The following KSR2 variants were observed in gnomAD, a reference collection of about 807,000 sequenced individuals.
KSR2 encodes kinase suppressor of ras 2.
A neutral mutation model predicts 107.8 loss-of-function variants in KSR2; 25 were observed. The observed-to-expected ratio is 0.23, with a 90% CI of 0.17 to 0.32. KSR2 has a LOEUF of 0.32. KSR2 is among the 10% of genes least tolerant of loss of function. The probability of loss-of-function intolerance (pLI) is 1.00; values close to 1 mark genes in which losing one functional copy is unlikely to be tolerated. For missense variants in KSR2, 887 were observed against 1,268.9 expected (o/e 0.70, Z 4.57); for synonymous variants, 480 against 507.0 (o/e 0.95, Z 0.71).
rs908162166 is a variant in KSR2 at position 117,467,549 on chromosome 12, A to G, written c.2847-344T>C. 3.8e-4 allele frequency among the ~76,000 whole-genome samples: 58 copies of G among 152,234 alleles called. 2 individuals carry two copies. Among genetic ancestry groups the G allele is most frequent in the Admixed American group, 1.3e-4 (2 of 15,290 alleles). ...GGTTAAGTGTTTTGCCAAAGGGCACACTGCCAGGAAGCAGCAGGGTCAGGA... is the reference window on the plus strand; with the variant it reads ...GGTTAAGTGTTTTGCCAAAGGGCACGCTGCCAGGAAGCAGCAGGGTCAGGA... On this transcript the variant is annotated intron_variant, in intron 19 of 19. Coordinates refer to ENST00000339824, the MANE Select transcript of KSR2 (RefSeq NM_173598.6).
intron 5 of KSR2, among the ~76,000 whole-genome samples, chr12:117,660,056 C>T (rs980486048): frequency 6.6e-6 from 1 of 152,164 alleles, no homozygotes; most frequent in Non-Finnish European, 1.5e-5. Context: ...AGGTACTTCT[C>T]AGAACCCAGT....
At chr12:117,624,230 T>G (rs1289841999) in intron 5 of KSR2, among the ~76,000 whole-genome samples, 3 of 152,222 alleles carry the variant, frequency 2.0e-5, no homozygotes, top group African/African-American at 7.2e-5. Flanking sequence ...TTTAGCTTAA[T>G]TAGATCCCAT....
intron 5 of KSR2, among the ~76,000 whole-genome samples, chr12:117,606,619 C>T (rs1437459000): frequency 9.5e-6 from 1 of 104,766 alleles, no homozygotes; most frequent in Non-Finnish European, 1.9e-5. Flanking sequence ...TTCCTTCCTC[C>T]CTCCCTTTCT....
chr12:117,777,065 A>T (rs1396548679), intron 3 of KSR2, among the ~76,000 whole-genome samples: 1 of 142,356 alleles, frequency 7.0e-6, no homozygotes, highest in Non-Finnish European at 1.5e-5. Context: ...CTGTTTCAAG[A>T]CACTGTATTT....
chr12:117,518,961 A>G (rs906186550), intron 14 of KSR2, among the ~76,000 whole-genome samples: 3 of 152,136 alleles, frequency 2.0e-5, no homozygotes, highest in African/African-American at 7.2e-5. Flanking sequence ...CCTTCACAGC[A>G]CTTATTACGA....
chr12:117,772,591 C>T (rs1445694135), intron 3 of KSR2, among the ~76,000 whole-genome samples: 1 of 143,670 alleles, frequency 7.0e-6, no homozygotes, highest in Non-Finnish European at 1.5e-5. Context: ...CACCATTCCC[C>T]CAAAGACGCA....
chr12:117,649,217 C>T (rs183686590), intron 5 of KSR2, among the ~76,000 whole-genome samples: 14 of 152,270 alleles, frequency 9.2e-5, no homozygotes, highest in Admixed American at 3.3e-4. Context: ...AACTCCTGGA[C>T]CAGAGTTTTG....
chr12:117,604,294 C>T (rs1365073918), intron 5 of KSR2, among the ~76,000 whole-genome samples: 1 of 152,174 alleles, frequency 6.6e-6, no homozygotes. Context: ...GGCTACACTT[C>T]CCAGCATGTC....
At chr12:117,612,773 G>A (rs1245529016) in intron 5 of KSR2, among the ~76,000 whole-genome samples, 1 of 152,184 alleles carries the variant, frequency 6.6e-6, no homozygotes, top group Non-Finnish European at 1.5e-5. Flanking sequence ...TTGTAATCCA[G>A]GTTTCAAGGG....
intron 1 of KSR2, among the ~76,000 whole-genome samples, chr12:117,929,163 T>C (rs1200184657): frequency 6.6e-6 from 1 of 152,130 alleles, no homozygotes; most frequent in Non-Finnish European, 1.5e-5. Context: ...TTAATATTTG[T>C]AGGAATATAC....
At chr12:117,753,690 A>G (rs1358104589) in intron 4 of KSR2, among the ~76,000 whole-genome samples, 2 of 152,094 alleles carry the variant, frequency 1.3e-5, no homozygotes, top group African/African-American at 2.4e-5. Flanking sequence ...GAGGGAGAGG[A>G]TCAGGAAAAA....
chr12:117,910,273 G>C (rs1299641659), intron 1 of KSR2, among the ~76,000 whole-genome samples: 2 of 152,138 alleles, frequency 1.3e-5, no homozygotes, highest in Middle Eastern at 3.2e-3. Context: ...GAAAGTCTCA[G>C]TTTATTGCCA....
At chr12:117,653,689 A>C (rs998723993) in intron 5 of KSR2, among the ~76,000 whole-genome samples, 6 of 152,226 alleles carry the variant, frequency 3.9e-5, no homozygotes, top group African/African-American at 1.4e-4. Context: ...CTTTTAAGGT[A>C]AAGGATAAGT....
At chr12:117,733,868 C>A (rs1473254793) in intron 4 of KSR2, among the ~76,000 whole-genome samples, 1 of 152,026 alleles carries the variant, frequency 6.6e-6, no homozygotes, top group African/African-American at 2.4e-5. Flanking sequence ...TCATAGGCAC[C>A]GAAAAATAAG....
At chr12:117,798,106 A>G (rs903048157) in intron 3 of KSR2, among the ~76,000 whole-genome samples, 1 of 151,932 alleles carries the variant, frequency 6.6e-6, no homozygotes, top group African/African-American at 2.4e-5. Flanking sequence ...TTTTCTTCTC[A>G]CCTTTGAAGC....
At position 117,539,732 on chromosome 12, in the gene KSR2, GTTC is replaced by G. The variant is rs1876335227; in HGVS notation, c.1671_1673del (p.Lys557del). 6.2e-7 allele frequency: 1 copy of G among 1,600,644 alleles called. No individual in the cohort carries two copies. The highest frequency in any genetic ancestry group is 1.4e-5 in the African/African-American group (1 of 74,024). On this transcript the variant is annotated inframe_deletion, in exon 10 of 20. Transcript: ENST00000339824. Reference sequence around the variant, plus strand: ...GCATGGAGGTACCTGGCAGGTTGAAGTTCTTCTGCTGCCGTGTGCACTGTGGGG... The same window carrying G: ...GCATGGAGGTACCTGGCAGGTTGAAGTTCTGCTGCCGTGTGCACTGTGGGG...
At chr12:117,669,808 T>C (rs1279913339) in intron 4 of KSR2, among the ~76,000 whole-genome samples, 1 of 151,992 alleles carries the variant, frequency 6.6e-6, no homozygotes, top group Non-Finnish European at 1.5e-5. Flanking sequence ...TTTGAGGCTG[T>C]AGTGAGCTAC....
chr12:117,792,792 G>A (rs1343897564), intron 3 of KSR2, among the ~76,000 whole-genome samples: 1 of 152,110 alleles, frequency 6.6e-6, no homozygotes, highest in Non-Finnish European at 1.5e-5. Context: ...TGTGGGGTGC[G>A]TCATCCCTAA....
intron 7 of KSR2, among the ~76,000 whole-genome samples, chr12:117,578,259 G>C (rs542828719): frequency 6.6e-6 from 1 of 152,140 alleles, no homozygotes; most frequent in African/African-American, 2.4e-5. Context: ...TAATTACAAG[G>C]CTGGTTTAAA....
Sources: gnomAD v4.1 joint callset for allele counts (sites outside exome capture counted in the v4.1 genomes callset) on GRCh38, gnomAD v4.1.1 for gene constraint, MANE v1.5 for transcripts, NCBI Gene and HGNC (gene_info 2026-07-23, HGNC 2026-07-21) for gene names.